Variants in PRDM9 observed in about 807,000 individuals in gnomAD.
The protein encoded by PRDM9 is histone-lysine N-methyltransferase PRDM9.
Under a neutral mutation model 55.6 loss-of-function variants are expected in PRDM9, and 47 were observed. That is an observed-to-expected ratio of 0.85 (90% CI 0.67 to 1.08). The LOEUF is 1.08. Ranked by LOEUF, PRDM9 falls within the 50% of genes least tolerant of loss-of-function variation. PRDM9 has a pLI of 0.00. For missense variants in PRDM9, 867 were observed against 1,040.3 expected (o/e 0.83, Z 2.29); for synonymous variants, 312 against 375.7 (o/e 0.83, Z 1.96).
At position 23,509,049 on chromosome 5, in the gene PRDM9, T is replaced by C; in HGVS notation, c.16T>C (p.Ser6Pro). The change falls in exon 2 of 11, where the codon TCC becomes CCC. Residue 6 changes from serine to proline, a missense_variant. Physicochemically the swap from Ser to Pro is moderately conservative, Grantham distance 74. Coordinates refer to ENST00000296682, the MANE Select transcript of PRDM9 (RefSeq NM_020227.4). ...TCCCAGCACCATGAGCCCTGAAAAG[T>C]CCCAAGAGGAGAGCCCAGAAGAAGA... Reference protein sequence around the residue: MSPEKSQEESPEEDTE... With the variant: MSPEKPQEESPEEDTE... 1 of 1,613,916 alleles carries C rather than the reference T, an allele frequency of 6.2e-7. No homozygotes were observed. Among genetic ancestry groups the C allele is most frequent in the South Asian group, 1.1e-5 (1 of 91,070 alleles).
In PRDM9 at chr5:23,522,694, G is replaced by C; in HGVS notation, c.691G>C (p.Asp231His). Residue 231 changes from aspartate (D) to histidine (H), a missense_variant, in exon 8 of 11, where the codon GAC (aspartate) becomes CAC (histidine). Asp to His is a moderately conservative substitution (Grantham distance 81). This residue lies in a region of PRDM9 where 662 missense variants were observed against 711.9 expected (regional missense o/e 0.93). Transcript: ENST00000296682. The stretch of plus-strand genomic sequence containing the variant: ...TACATTTGTAAAGGACAGTGCAGTG[G>C]ACAAGGGGCACCCCAACCGTTCAGC... ...PPTFVKDSAVDKGHPNRSALS... is the reference protein window; with the variant it reads ...PPTFVKDSAVHKGHPNRSALS... The C allele has an allele frequency of 2.5e-6, 4 of 1,614,210 alleles. No homozygotes were observed. Among genetic ancestry groups the C allele is most frequent in the Non-Finnish European group, 3.4e-6 (4 of 1,180,046 alleles).
intron 10 of PRDM9, among the ~76,000 whole-genome samples, chr5:23,525,956 A>G (rs1178206875): frequency 6.6e-6 from 1 of 152,122 alleles, no homozygotes; most frequent in African/African-American, 2.4e-5. Context: ...AGTTCCATCT[A>G]TGTAAGGAAT....
chr5:23,510,070 T>C, intron 4 of PRDM9, 43 bp downstream of exon 4: 3 of 1,528,846 alleles, frequency 2.0e-6, no homozygotes, highest in Non-Finnish European at 2.7e-6. Context: ...TTTTTTTTTT[T>C]TGAGATGGAG....
At chr5:23,517,701 C>T (rs1262233335) in intron 4 of PRDM9, among the ~76,000 whole-genome samples, 180 bp from the exon 5 acceptor site, 1 of 152,060 alleles carries the variant, frequency 6.6e-6, no homozygotes, top group Non-Finnish European at 1.5e-5. Context: ...GCAGGAGAAT[C>T]GCTTGAATCC....
At chr5:23,522,582 A>G (rs765353615) in intron 7 of PRDM9, 32 bp from the exon 8 acceptor site, 1 of 1,614,152 alleles carries the variant, frequency 6.2e-7, no homozygotes, top group East Asian at 2.2e-5. Context: ...ATGCATTACA[A>G]CTTTCCTAAT....
intron 4 of PRDM9, among the ~76,000 whole-genome samples, chr5:23,515,243 G>A (rs970330445): frequency 6.6e-6 from 1 of 152,124 alleles, no homozygotes; most frequent in African/African-American, 2.4e-5. Flanking sequence ...GGGATTACAG[G>A]CATGAGCCAC....
intron 4 of PRDM9, among the ~76,000 whole-genome samples, chr5:23,517,509 G>A (rs749663661): frequency 6.6e-5 from 10 of 152,086 alleles, no homozygotes; most frequent in African/African-American, 1.4e-4. Flanking sequence ...AGTTAGGCCC[G>A]GCATGGTGGC....
chr5:23,516,476 C>T (rs111414003), intron 4 of PRDM9, among the ~76,000 whole-genome samples: 2,191 of 150,226 alleles, frequency 0.015, 61 homozygotes, highest in African/African-American at 0.052. Context: ...TGGTTCACGC[C>T]ATTCTCCTGC....
intron 4 of PRDM9, among the ~76,000 whole-genome samples, chr5:23,510,822 G>A (rs1739080932): frequency 6.6e-6 from 1 of 151,728 alleles, no homozygotes; most frequent in South Asian, 2.1e-4. Flanking sequence ...CAGGCATGAG[G>A]CACCGTGCAT....
intron 4 of PRDM9, 29 bp downstream of exon 4, chr5:23,510,056 T>A (rs1739061009): frequency 6.4e-7 from 1 of 1,574,330 alleles, no homozygotes; most frequent in South Asian, 1.1e-5. Flanking sequence ...AGGATTTTTT[T>A]TTTTTTTTTT....
Position 23,523,313 on chromosome 5 carries a change from A to G in PRDM9, c.905A>G (p.Tyr302Cys), listed in dbSNP as rs1739371658. The change falls in exon 9 of 11, where the codon TAT becomes TGT. Residue 302 changes from tyrosine (Y) to cysteine (C), a missense_variant. Tyr to Cys is a radical substitution (Grantham distance 194, BLOSUM62 -2). This residue lies in a region of PRDM9 where 662 missense variants were observed against 711.9 expected (regional missense o/e 0.93). Coordinates refer to ENST00000296682, the MANE Select transcript of PRDM9 (RefSeq NM_020227.4). Reference protein sequence around the residue: ...SWLITKGRNCYEYVDGKDKSW... With the variant: ...SWLITKGRNCCEYVDGKDKSW... ...CAGATCACCAAGGGGAGAAACTGCT[A>G]TGAGTATGTGGATGGAAAAGATAAA... is the stretch of plus-strand genomic sequence containing the variant. The G allele has an allele frequency of 2.5e-6, 4 of 1,613,948 alleles. No individual in the cohort carries two copies. Among genetic ancestry groups the G allele is most frequent in the Non-Finnish European group, 3.4e-6 (4 of 1,179,904 alleles).
intron 5 of PRDM9, among the ~76,000 whole-genome samples, chr5:23,520,546 T>G (rs1375168057): frequency 6.6e-6 from 1 of 152,016 alleles, no homozygotes; most frequent in Non-Finnish European, 1.5e-5. Context: ...TGACATCATT[T>G]TCTTGGTTGT....
chr5:23,509,428 G>A (rs779144954), intron 2 of PRDM9, 42 bp from the exon 3 acceptor site: 3 of 1,613,886 alleles, frequency 1.9e-6, no homozygotes, highest in Admixed American at 1.7e-5. Context: ...CCAGCTTGAT[G>A]TGTACTAGTA....
intron 6 of PRDM9, 47 bp downstream of exon 6, chr5:23,521,226 G>C: frequency 6.2e-7 from 1 of 1,606,056 alleles, no homozygotes; most frequent in East Asian, 2.2e-5. Context: ...ATGTCCTCTA[G>C]AAAGGTTGAT....
At chr5:23,511,950 T>C (rs1369509008) in intron 4 of PRDM9, among the ~76,000 whole-genome samples, 1 of 152,096 alleles carries the variant, frequency 6.6e-6, no homozygotes, top group African/African-American at 2.4e-5. Flanking sequence ...TCCATTGTTT[T>C]CTATATGTTT....
chr5:23,513,674 G>A (rs1280234035), intron 4 of PRDM9, among the ~76,000 whole-genome samples: 2 of 152,114 alleles, frequency 1.3e-5, no homozygotes, highest in Non-Finnish European at 2.9e-5. Context: ...GAGGTCAGGA[G>A]TTTGAGACCA....
chr5:23,524,210 A>C (rs1739387210), intron 9 of PRDM9, 124 bp from the exon 10 acceptor site: 10 of 1,245,102 alleles, frequency 8.0e-6, no homozygotes, highest in South Asian at 1.2e-5. Flanking sequence ...TTCCCGGAGG[A>C]GTGGTGGGGG....
chr5:23,508,429 G>A (rs898211729), intron 1 of PRDM9, among the ~76,000 whole-genome samples: 8 of 151,934 alleles, frequency 5.3e-5, no homozygotes, highest in African/African-American at 1.9e-4. Context: ...TCAGCCTGAG[G>A]GACCCCAAAT....
At chr5:23,519,689 T>C (rs1342548354) in intron 5 of PRDM9, among the ~76,000 whole-genome samples, 2 of 151,870 alleles carry the variant, frequency 1.3e-5, no homozygotes, top group African/African-American at 4.8e-5. Flanking sequence ...ACATTCATAC[T>C]GTATTAAGTA....
Sources: allele counts gnomAD v4.1 joint callset (sites outside exome capture counted in the v4.1 genomes callset), GRCh38; gene constraint gnomAD v4.1.1; regional missense constraint gnomAD v4.1.1; transcripts MANE v1.5; gene names NCBI Gene and HGNC (gene_info 2026-07-23, HGNC 2026-07-21).